The following TANGO2 variants were observed in gnomAD, a reference collection of about 807,000 sequenced individuals.
The protein encoded by TANGO2 is transport and Golgi organization protein 2 homolog.
A neutral mutation model predicts 39.1 loss-of-function variants in TANGO2; 26 were observed. The observed-to-expected ratio is 0.67, with a 90% CI of 0.49 to 0.92. The LOEUF (loss-of-function observed/expected upper bound fraction) is 0.92. Ranked by LOEUF, TANGO2 falls within the 40% of genes least tolerant of loss-of-function variation. TANGO2 has a pLI of 0.00. For synonymous variants in TANGO2, 131 were observed against 144.5 expected, an observed-to-expected ratio of 0.91 and a Z score of 0.67; for missense variants, 326 against 360.1, an observed-to-expected ratio of 0.91 and a Z score of 0.77.
chr22:20,038,929 T>G (rs75251822), intron 2 of TANGO2, among the ~76,000 whole-genome samples: 19,289 of 143,676 alleles, frequency 0.13, 2,167 homozygotes, highest in East Asian at 0.5. Context: ...CACTATGTTT[T>G]TTTTTTTTAT....
At chr22:20,059,420 C>T (rs147944712) in intron 6 of TANGO2, among the ~76,000 whole-genome samples, 9 of 152,258 alleles carry the variant, frequency 5.9e-5, no homozygotes, top group East Asian at 5.8e-4. Flanking sequence ...GTTGTTAAGT[C>T]GTATGGTAAC....
intron 2 of TANGO2, among the ~76,000 whole-genome samples, chr22:20,039,827 CACACACTCACCCCCCGGCAGA>C (rs1480984177): frequency 2.6e-5 from 4 of 151,042 alleles, no homozygotes; most frequent in Non-Finnish European, 5.9e-5. Flanking sequence ...CCAGACAGTG[CACACACTCACCCCCCGGCAGA>C]ACACACTCAC....
At chr22:20,055,779 C>T (rs2047211978) in intron 5 of TANGO2, 164 bp from the exon 6 acceptor site, 1 of 648,378 alleles carries the variant, frequency 1.5e-6, no homozygotes, top group Non-Finnish European at 2.8e-6. Context: ...ATGACCCCGC[C>T]TGCCAGGCAC....
intron 1 of TANGO2, among the ~76,000 whole-genome samples, 160 bp from the exon 2 acceptor site, chr22:20,036,600 G>A (rs150917028): frequency 6.6e-6 from 1 of 152,330 alleles, no homozygotes; most frequent in African/African-American, 2.4e-5. Context: ...GGAGTTGTTT[G>A]TGTGGCACCG....
intron 2 of TANGO2, among the ~76,000 whole-genome samples, chr22:20,041,036 C>T (rs1294046700): frequency 6.6e-6 from 1 of 152,234 alleles, no homozygotes; most frequent in Admixed American, 6.5e-5. Context: ...TGACCAAAAG[C>T]ATTTCCCCAG....
At chr22:20,044,726 T>C (rs2044762069) in intron 3 of TANGO2, among the ~76,000 whole-genome samples, 1 of 152,112 alleles carries the variant, frequency 6.6e-6, no homozygotes, top group African/African-American at 2.4e-5. Flanking sequence ...ATGCAGTGGG[T>C]GCAGGGCTGG....
At chr22:20,047,223 GGTTT>G (rs894388430) in intron 3 of TANGO2, among the ~76,000 whole-genome samples, 4 of 149,230 alleles carry the variant, frequency 2.7e-5, no homozygotes, top group East Asian at 1.9e-4. Flanking sequence ...TCAGTTTTTT[GGTTT>G]GTTTGTTTTT....
At chr22:20,021,984 T>C (rs183649657) in intron 1 of TANGO2, among the ~76,000 whole-genome samples, 1 of 152,358 alleles carries the variant, frequency 6.6e-6, no homozygotes, top group East Asian at 1.9e-4. Flanking sequence ...CCAGGCCTGT[T>C]TGCACTGTCG....
At position 20,061,972 on chromosome 22, in the gene TANGO2, G is replaced by A. The variant is rs2286484; in HGVS notation, c.605+289G>A. On this transcript the variant is annotated intron_variant, in intron 7 of 8. Coordinates refer to ENST00000327374, the MANE Select transcript of TANGO2 (RefSeq NM_152906.7). ...CAGCCACGTGGGGCCCAGAGCAGAT[G>A]GATGCTCCCCTCTGCATGCCGAGAG... Among the ~76,000 whole-genome samples, 19,307 of 152,280 alleles carry A rather than the reference G, an allele frequency of 0.13. 2,083 individuals are homozygous for A. Among genetic ancestry groups the A allele is most frequent in the East Asian group, 0.48 (2,478 of 5,164 alleles).
At chr22:20,040,772 G>A (rs997335073) in intron 2 of TANGO2, among the ~76,000 whole-genome samples, 3 of 152,210 alleles carry the variant, frequency 2.0e-5, no homozygotes, top group African/African-American at 7.2e-5. Context: ...CAGAGGTTGG[G>A]GGGCACTTCT....
intron 6 of TANGO2, among the ~76,000 whole-genome samples, chr22:20,060,827 T>A (rs2048258620): frequency 6.6e-6 from 1 of 152,140 alleles, no homozygotes; most frequent in Admixed American, 6.5e-5. Context: ...TTGGCTCCCA[T>A]CAAGCCCACC....
chr22:20,057,302 G>T lies in TANGO2; in HGVS notation c.451+1289G>T, dbSNP rs889558608. Among the ~76,000 whole-genome samples the T allele has an allele frequency of 3.3e-5, 5 of 152,180 alleles. No homozygotes were observed. The highest frequency in any genetic ancestry group is 7.4e-5 in the Non-Finnish European group (5 of 68,026). On this transcript the variant is annotated intron_variant, in intron 6 of 8. Coordinates refer to ENST00000327374, the MANE Select transcript of TANGO2 (RefSeq NM_152906.7). The surrounding 1 kb of genome is among the most constrained non-coding windows in gnomAD (Gnocchi z 4.1). The stretch of plus-strand genomic sequence containing the variant: ...GCTTCCAGCTTCCCACGTCTGCCCA[G>T]TGATGTTTCATCCACAGATAGGCCC...
chr22:20,033,144 G>A (rs2042183477), intron 1 of TANGO2: 1 of 505,622 alleles, frequency 2.0e-6, no homozygotes, highest in Non-Finnish European at 4.0e-6. Flanking sequence ...CGAGCAGGGG[G>A]CGAGGGATTG....
chr22:20,063,601 G>A, intron 8 of TANGO2, 159 bp downstream of exon 8: 3 of 676,784 alleles, frequency 4.4e-6, no homozygotes, highest in Admixed American at 3.1e-5. Context: ...GCTGCAGGGT[G>A]AGCAGATACC....
intron 3 of TANGO2, among the ~76,000 whole-genome samples, chr22:20,046,309 C>A (rs1050549764): frequency 1.3e-5 from 2 of 151,996 alleles, no homozygotes; most frequent in Non-Finnish European, 2.9e-5. Flanking sequence ...CCATGCCCAG[C>A]TAATTTTTAA....
chr22:20,055,719 G>A (rs1230736043), intron 5 of TANGO2: 3 of 594,048 alleles, frequency 5.1e-6, no homozygotes, highest in South Asian at 2.0e-5. Flanking sequence ...GGTGGGCCCC[G>A]AGGTGAGCTG....
intron 3 of TANGO2, among the ~76,000 whole-genome samples, chr22:20,050,660 C>CT (rs74915154): frequency 0.062 from 7,977 of 128,636 alleles, 311 homozygotes; most frequent in African/African-American, 0.1. Flanking sequence ...CTGCACCCGG[C>CT]TTTTTTTTTT....
At chr22:20,025,544 G>C (rs1406520914) in intron 1 of TANGO2, among the ~76,000 whole-genome samples, 1 of 152,166 alleles carries the variant, frequency 6.6e-6, no homozygotes, top group African/African-American at 2.4e-5. Flanking sequence ...CCAGCACCCA[G>C]ATATCTCCCT....
chr22:20,026,913 G>A (rs185990410), intron 1 of TANGO2, among the ~76,000 whole-genome samples: 59 of 152,272 alleles, frequency 3.9e-4, no homozygotes, highest in South Asian at 4.1e-4. Flanking sequence ...CACCTCTTGC[G>A]TCTATCCTAG....
Sources: gnomAD v4.1 joint callset for allele counts (sites outside exome capture counted in the v4.1 genomes callset) on GRCh38, gnomAD v4.1.1 for gene constraint, Gnocchi (gnomAD v3.1) non-coding constraint, MANE v1.5 for transcripts, NCBI Gene and HGNC (gene_info 2026-07-23, HGNC 2026-07-21) for gene names.